Variants in MSANTD2 observed in about 807,000 individuals in gnomAD.
The protein encoded by MSANTD2 is Myb/SANT DNA binding domain containing 2.
MSANTD2 carries 19 observed loss-of-function variants against 52.6 expected under a neutral mutation model. The observed-to-expected ratio is 0.36, with a 90% CI of 0.25 to 0.53. MSANTD2 has a LOEUF of 0.53. MSANTD2 is among the 20% of genes least tolerant of loss of function. The pLI, the probability that MSANTD2 is intolerant of heterozygous loss-of-function variation, is 0.91. For synonymous variants in MSANTD2, 291 were observed against 289.7 expected (o/e 1.00, Z -0.04); for missense variants, 558 against 716.3 (o/e 0.78, Z 2.52).
intron 1 of MSANTD2, among the ~76,000 whole-genome samples, chr11:124,780,149 A>G (rs1184668487): frequency 6.6e-6 from 1 of 152,230 alleles, no homozygotes; most frequent in African/African-American, 2.4e-5. Flanking sequence ...CTTATGTAGC[A>G]TACATAAATA....
intron 1 of MSANTD2, among the ~76,000 whole-genome samples, chr11:124,781,251 T>A (rs1052614262): frequency 6.6e-6 from 1 of 152,132 alleles, no homozygotes; most frequent in African/African-American, 2.4e-5. Context: ...AATATAGCAC[T>A]TCTTTCTACC....
chr11:124,773,218 T>C, intron 2 of MSANTD2, 164 bp from the exon 3 acceptor site: 2 of 530,900 alleles, frequency 3.8e-6, no homozygotes, highest in East Asian at 3.2e-5. Flanking sequence ...ATAGCTCTTA[T>C]ATAATGAGAT....
chr11:124,794,265 G>A lies in MSANTD2; in HGVS notation c.510+5606C>T, dbSNP rs560471700. ...CCACCCTTCACTGTATTTCCAAAAT[G>A]CCAGAAAATAAACCCAGAATTCTAC... On this transcript the variant is annotated intron_variant, in intron 1 of 3. Coordinates refer to ENST00000374979, the MANE Select transcript of MSANTD2 (RefSeq NM_001308027.2). Among the ~76,000 whole-genome samples the A allele has an allele frequency of 3.9e-5, 6 of 152,238 alleles. No homozygotes were observed. In the East Asian group the frequency reaches 1.2e-3, roughly 29 times the overall value.
intron 1 of MSANTD2, among the ~76,000 whole-genome samples, chr11:124,777,533 A>G (rs181571338): frequency 1.4e-4 from 21 of 152,378 alleles, no homozygotes; most frequent in Admixed American, 3.9e-4. Context: ...CACTTGGCTT[A>G]TGTAATTGTG....
chr11:124,770,461 T>C (rs945322114), intron 3 of MSANTD2, among the ~76,000 whole-genome samples: 2 of 152,142 alleles, frequency 1.3e-5, no homozygotes, highest in Admixed American at 6.5e-5. Context: ...CTATACCCAG[T>C]GAATTTTAAA....
chr11:124,786,712 G>A (rs980075422), intron 1 of MSANTD2, among the ~76,000 whole-genome samples: 4 of 152,098 alleles, frequency 2.6e-5, no homozygotes, highest in Admixed American at 6.6e-5. Context: ...CTTAGGAAAC[G>A]ATAAATTATC....
intron 1 of MSANTD2, among the ~76,000 whole-genome samples, chr11:124,796,617 T>C (rs1296672405): frequency 6.6e-6 from 1 of 152,158 alleles, no homozygotes; most frequent in African/African-American, 2.4e-5. Flanking sequence ...CGGCTCATAA[T>C]TGAATTTTTG....
At chr11:124,776,243 C>T (rs1183899683) in intron 1 of MSANTD2, 1 of 152,192 alleles carries the variant, frequency 6.6e-6, no homozygotes, top group African/African-American at 2.4e-5. Context: ...CTATTTTCAC[C>T]AAACTAAAAC....
chr11:124,790,075 T>C (rs758307452), intron 1 of MSANTD2: 16 of 152,384 alleles, frequency 1.0e-4, no homozygotes, highest in Admixed American at 2.6e-4. Context: ...CAATTTTCCA[T>C]AGAAAACAAC....
intron 1 of MSANTD2, among the ~76,000 whole-genome samples, chr11:124,793,363 C>G (rs2135270507): frequency 6.6e-6 from 1 of 152,298 alleles, no homozygotes; most frequent in Middle Eastern, 3.4e-3. Flanking sequence ...TTAACATTTT[C>G]TATGTCCTGC....
chr11:124,770,769 C>A (rs1209082985), intron 3 of MSANTD2, among the ~76,000 whole-genome samples: 1 of 145,504 alleles, frequency 6.9e-6, no homozygotes, highest in Admixed American at 6.7e-5. Flanking sequence ...CCACGCCCAG[C>A]TAATTTTTTG....
chr11:124,799,072 G>C (rs768367292), intron 1 of MSANTD2, among the ~76,000 whole-genome samples: 1 of 152,160 alleles, frequency 6.6e-6, no homozygotes, highest in Non-Finnish European at 1.5e-5. Context: ...AGGACGGCCA[G>C]ATGCACACTG....
rs375812509 is a variant in MSANTD2, at chr11:124,767,481, C to G, written c.1375G>C (p.Ala459Pro). ...ATTTCCACCTGTAATGAGGCTTGTG[C>G]TGAAAGGGTTTCCAGGTCAACCCGG... ...EGRVDLETLS[A>P]QASLQVEIEP... The change falls in exon 4 of 4, where the codon GCA becomes CCA. Residue 459 changes from alanine (A) to proline (P), a missense_variant. Around this residue, in one of 2 missense-constraint regions of MSANTD2, gnomAD observed 408 missense variants for 573.6 expected, o/e 0.71. Coordinates refer to ENST00000374979, the MANE Select transcript of MSANTD2 (RefSeq NM_001308027.2). This position sits in a 1 kb window ranked among gnomAD's most constrained non-coding sequence, Gnocchi z 6.5. The G allele has an allele frequency of 5.2e-5, 84 of 1,614,082 alleles. No individual in the cohort carries two copies. Among genetic ancestry groups the G allele is most frequent in the Non-Finnish European group, 7.0e-5 (83 of 1,180,048 alleles).
At chr11:124,788,462 A>G (rs1444849920) in intron 1 of MSANTD2, among the ~76,000 whole-genome samples, 4 of 152,206 alleles carry the variant, frequency 2.6e-5, no homozygotes, top group African/African-American at 4.8e-5. Context: ...TGCAGTGAAG[A>G]AGTTAGAATT....
chr11:124,785,476 T>C (rs1011757369), intron 1 of MSANTD2, among the ~76,000 whole-genome samples: 1 of 152,244 alleles, frequency 6.6e-6, no homozygotes, highest in African/African-American at 2.4e-5. Flanking sequence ...CAGCCTCTGC[T>C]AATCCTACAA....
chr11:124,773,151 TCCAAAA>T, intron 2 of MSANTD2, 97 bp from the exon 3 acceptor site: 1 of 700,034 alleles, frequency 1.4e-6, no homozygotes. Flanking sequence ...TTCCATACTT[TCCAAAA>T]CCAGGCTTTT....
At chr11:124,772,757 A>G (rs1480058645) in intron 3 of MSANTD2, among the ~76,000 whole-genome samples, 1 of 151,280 alleles carries the variant, frequency 6.6e-6, no homozygotes, top group Non-Finnish European at 1.5e-5. Flanking sequence ...AAAAAAAAAA[A>G]AAAAAAAAAA....
chr11:124,800,259 G>T lies in MSANTD2; in HGVS notation c.122C>A (p.Pro41His). 2.6e-6 allele frequency: 4 copies of T among 1,564,556 alleles called. No individual in the cohort carries two copies. The highest frequency in any genetic ancestry group is 3.5e-6 in the Non-Finnish European group (4 of 1,158,630). Reference protein sequence around the residue: ...LSDGNPSLSDPSTPRGASPLG... With the variant: ...LSDGNPSLSDHSTPRGASPLG... Reference sequence around the variant, plus strand: ...CGGGGAGGCACCCCGAGGCGTGGAAGGGTCGGACAGCGATGGATTTCCGTC... The same window carrying T: ...CGGGGAGGCACCCCGAGGCGTGGAATGGTCGGACAGCGATGGATTTCCGTC... Residue 41 changes from proline (P) to histidine (H), a missense_variant, in exon 1 of 4, where the codon CCT becomes CAT. Transcript: ENST00000374979. This position sits in a 1 kb window ranked among gnomAD's most constrained non-coding sequence, Gnocchi z 4.3.
In MSANTD2 at chr11:124,779,475, A is replaced by G. The variant is rs1944869822; in HGVS notation, c.511-4501T>C. Reference sequence around the variant, plus strand: ...ATACAATCATAAAATATTCACCAGGACAAAAACACTGTTCTAGCTAACTGA... The same window carrying G: ...ATACAATCATAAAATATTCACCAGGGCAAAAACACTGTTCTAGCTAACTGA... On this transcript the variant is annotated intron_variant, in intron 1 of 3. Coordinates refer to ENST00000374979, the MANE Select transcript of MSANTD2 (RefSeq NM_001308027.2). This position sits in a 1 kb window ranked among gnomAD's most constrained non-coding sequence, Gnocchi z 4.6. Among the ~76,000 whole-genome samples the G allele has an allele frequency of 6.6e-6, 1 of 152,234 alleles. No homozygotes were observed.
Sources: allele counts gnomAD v4.1 joint callset (sites outside exome capture counted in the v4.1 genomes callset), GRCh38; gene constraint gnomAD v4.1.1; regional missense constraint gnomAD v4.1.1; non-coding constraint Gnocchi (gnomAD v3.1); transcripts MANE v1.5; gene names NCBI Gene and HGNC (gene_info 2026-07-23, HGNC 2026-07-21).